ITPKB: variants seen among roughly 807,000 people sequenced by gnomAD.
The protein encoded by ITPKB is inositol-trisphosphate 3-kinase B.
In ITPKB, 13 loss-of-function variants were observed where a neutral mutation model predicts 69.4. The ratio of observed to expected loss-of-function variants is 0.19; its 90% CI spans 0.12 to 0.30. The LOEUF (loss-of-function observed/expected upper bound fraction) is 0.30, where lower values mean the gene tolerates loss of function less well. Ranked by LOEUF, ITPKB falls within the 10% of genes least tolerant of loss-of-function variation. The pLI is 1.00. For synonymous variants in ITPKB, 584 were observed against 513.7 expected (o/e 1.14, Z -1.85); for missense variants, 1,240 against 1,250.5 (o/e 0.99, Z 0.13).
intron 2 of ITPKB, among the ~76,000 whole-genome samples, chr1:226,678,324 G>A (rs2102771803): frequency 6.6e-6 from 1 of 152,342 alleles, no homozygotes; most frequent in East Asian, 1.9e-4. Flanking sequence ...TGCAAACTTA[G>A]GAGAGGGCAA....
chr1:226,705,448 G>C (rs1447816348), intron 2 of ITPKB, among the ~76,000 whole-genome samples: 1 of 150,892 alleles, frequency 6.6e-6, no homozygotes, highest in African/African-American at 2.4e-5. Flanking sequence ...AGAATCACTT[G>C]AACCTGGGAG....
intron 2 of ITPKB, among the ~76,000 whole-genome samples, chr1:226,667,649 C>T (rs1460755914): frequency 6.6e-6 from 1 of 152,200 alleles, no homozygotes; most frequent in Admixed American, 6.5e-5. Flanking sequence ...GACATCAGTG[C>T]TGTCCCTGGA....
rs1268519768 is a variant in ITPKB, at chr1:226,641,751, C to T, written c.2451+170G>A. Among the ~76,000 whole-genome samples the T allele has an allele frequency of 2.0e-5, 3 of 152,278 alleles. No individual in the cohort carries two copies. The highest frequency in any genetic ancestry group is 4.4e-5 in the Non-Finnish European group (3 of 68,052). ...GCCTGAGCCCCCTACACAGCCATCC[C>T]GCCTGAGGAATAGGCTGATGTCTCC... On this transcript the variant is annotated intron_variant, in intron 5 of 7. Coordinates refer to ENST00000429204, the MANE Select transcript of ITPKB (RefSeq NM_002221.4). The surrounding 1 kb of genome is among the most constrained non-coding windows in gnomAD (Gnocchi z 4.6).
At chr1:226,700,723 T>G (rs1656617094) in intron 2 of ITPKB, among the ~76,000 whole-genome samples, 1 of 152,146 alleles carries the variant, frequency 6.6e-6, no homozygotes, top group Admixed American at 6.5e-5. Context: ...AGAGCCTGCT[T>G]CTTCTTCCCA....
At chr1:226,672,180 C>T (rs1669630630) in intron 2 of ITPKB, among the ~76,000 whole-genome samples, 1 of 152,034 alleles carries the variant, frequency 6.6e-6, no homozygotes, top group Admixed American at 6.6e-5. Context: ...AATCCAAGCC[C>T]CCTTTAATTA....
chr1:226,734,240 C>T (rs565627831), intron 2 of ITPKB, among the ~76,000 whole-genome samples: 96 of 152,290 alleles, frequency 6.3e-4, no homozygotes, highest in African/African-American at 2.2e-3. Flanking sequence ...CTGATTGGGG[C>T]GATTTTGCAT....
rs1378202095 is a variant in ITPKB at position 226,737,008 on chromosome 1, C to T, written c.451G>A (p.Glu151Lys). 3 of 1,612,754 alleles carry T rather than the reference C, an allele frequency of 1.9e-6. No homozygotes were observed. The highest frequency in any genetic ancestry group is 4.5e-5 in the East Asian group (2 of 44,876). Residue 151 changes from glutamate (E) to lysine (K), a missense_variant, in exon 2 of 8, where the codon GAG becomes AAG. Physicochemically the swap from Glu to Lys is moderately conservative, Grantham distance 56 (BLOSUM62 1). Transcript: ENST00000429204. Reference protein sequence around the residue: ...VQVNQKVGMFEAHIQAQSSAI... With the variant: ...VQVNQKVGMFKAHIQAQSSAI... ...GAGCTCTGTGCCTGGATGTGCGCCT[C>T]AAACATGCCCACTTTCTGGTTCACC...
chr1:226,639,522 G>T, intron 6 of ITPKB, 35 bp downstream of exon 6: 1 of 1,376,822 alleles, frequency 7.3e-7, no homozygotes, highest in East Asian at 2.3e-5. Flanking sequence ...TCCCTGGCTG[G>T]CTGGAGAGAC....
intron 2 of ITPKB, chr1:226,675,066 ACT>A (rs1669701243): frequency 6.7e-6 from 1 of 148,442 alleles, no homozygotes; most frequent in Non-Finnish European, 1.5e-5. Flanking sequence ...TACTCTGAAA[ACT>A]CTAAACCAGA....
rs966428308 is a variant in ITPKB, at chr1:226,637,515, T to C, written c.2625+164A>G. Among the ~76,000 whole-genome samples, 5 of 152,184 alleles carry C rather than the reference T, an allele frequency of 3.3e-5. No homozygotes were observed. The highest frequency in any genetic ancestry group is 9.7e-5 in the African/African-American group (4 of 41,422). On this transcript the variant is annotated intron_variant, in intron 7 of 7. Transcript: ENST00000429204. The surrounding 1 kb of genome is among the most constrained non-coding windows in gnomAD (Gnocchi z 4.3). Reference sequence around the variant, plus strand: ...GCCCGTGTGGTCACCCCAGGAAGCATTGAGACGCAGCTCCCCCGTGCAGCG... The same window carrying C: ...GCCCGTGTGGTCACCCCAGGAAGCACTGAGACGCAGCTCCCCCGTGCAGCG...
intron 2 of ITPKB, among the ~76,000 whole-genome samples, chr1:226,698,050 T>C (rs2102785627): frequency 6.6e-6 from 1 of 152,362 alleles, no homozygotes; most frequent in South Asian, 2.1e-4. Context: ...GCTTTGAATC[T>C]GTCTGCCCAA....
intron 2 of ITPKB, among the ~76,000 whole-genome samples, chr1:226,721,348 C>CA (rs11353595): frequency 2.9e-4 from 19 of 64,622 alleles, no homozygotes; most frequent in African/African-American, 7.4e-4. Flanking sequence ...AACTCTGTCT[C>CA]AAAAAAAAAA....
intron 2 of ITPKB, among the ~76,000 whole-genome samples, chr1:226,727,630 G>A (rs1043346441): frequency 2.6e-5 from 4 of 152,088 alleles, no homozygotes; most frequent in African/African-American, 7.2e-5. Context: ...GGGCAGGGAG[G>A]GGGACAGAAT....
intron 2 of ITPKB, among the ~76,000 whole-genome samples, chr1:226,735,077 C>T (rs1468681980): frequency 1.3e-5 from 2 of 152,182 alleles, no homozygotes; most frequent in Non-Finnish European, 1.5e-5. Context: ...TTAGTAGAGG[C>T]TAACTTAATT....
chr1:226,664,971 T>A (rs1424476643), intron 2 of ITPKB, among the ~76,000 whole-genome samples: 1 of 152,334 alleles, frequency 6.6e-6, no homozygotes, highest in East Asian at 1.9e-4. Context: ...CCTGTAAACC[T>A]GAGTCAGGAG....
At chr1:226,670,331 G>A (rs1011118713) in intron 2 of ITPKB, among the ~76,000 whole-genome samples, 2 of 152,010 alleles carry the variant, frequency 1.3e-5, no homozygotes, top group African/African-American at 4.8e-5. Context: ...TTCTGCAAGG[G>A]CCATAAAAAT....
At chr1:226,680,788 G>C (rs1396135546) in intron 2 of ITPKB, among the ~76,000 whole-genome samples, 1 of 152,174 alleles carries the variant, frequency 6.6e-6, no homozygotes, top group Non-Finnish European at 1.5e-5. Context: ...GATTCATAAA[G>C]CCCTTTTGCC....
intron 5 of ITPKB, among the ~76,000 whole-genome samples, chr1:226,640,228 C>T (rs992850471): frequency 2.0e-5 from 3 of 152,230 alleles, no homozygotes; most frequent in African/African-American, 7.2e-5. Flanking sequence ...CACCCCACTC[C>T]CATCTTCTTG....
chr1:226,703,801 G>C (rs911330844), intron 2 of ITPKB, among the ~76,000 whole-genome samples: 6 of 152,204 alleles, frequency 3.9e-5, no homozygotes, highest in Non-Finnish European at 1.5e-5. Context: ...TTCCGGCTTG[G>C]GAGAAAGGAT....
Sources: gnomAD v4.1 joint callset for allele counts (sites outside exome capture counted in the v4.1 genomes callset) on GRCh38, gnomAD v4.1.1 for gene constraint, Gnocchi (gnomAD v3.1) non-coding constraint, MANE v1.5 for transcripts, NCBI Gene and HGNC (gene_info 2026-07-23, HGNC 2026-07-21) for gene names.